Variants in MAPK14 observed in about 807,000 individuals in gnomAD.
MAPK14 encodes mitogen-activated protein kinase 14, also known as CSAID-binding protein.
A neutral mutation model predicts 49.6 loss-of-function variants in MAPK14; 16 were observed. The observed-to-expected ratio is 0.32, with a 90% confidence interval of 0.22 to 0.49. MAPK14 has a LOEUF of 0.49. Ranked by LOEUF, MAPK14 falls within the 20% of genes least tolerant of loss-of-function variation. The pLI is 0.99. For missense variants in MAPK14, 200 were observed against 441.2 expected, an observed-to-expected ratio of 0.45 and a Z score of 4.90; for synonymous variants, 142 against 158.0, an observed-to-expected ratio of 0.90 and a Z score of 0.76.
At chr6:36,101,490 T>C (rs560868029) in intron 9 of MAPK14, among the ~76,000 whole-genome samples, 114 of 105,380 alleles carry the variant, frequency 1.1e-3, no homozygotes, top group Middle Eastern at 9.0e-3. Flanking sequence ...AGCAACCAGA[T>C]TTTTTTTTTT....
At chr6:36,111,336 A>C (rs922446888), downstream of MAPK14, 1 of 152,198 alleles carries the variant, frequency 6.6e-6, no homozygotes, top group Non-Finnish European at 1.5e-5. Flanking sequence ...CAAAATGTCA[A>C]CCATTTACCA....
In MAPK14 at chr6:36,072,969, T is replaced by C. The variant is rs753049817; in HGVS notation, c.402T>C (p.Ile134=). ...DDHVQFLIYQ[I]LRGLKYIHSA... The stretch of plus-strand genomic sequence containing the variant: ...ATGTTCAGTTCCTTATCTACCAAAT[T>C]CTCCGAGGTCTAAAGGTACAGATAA... Residue 134 remains isoleucine, a synonymous_variant, in exon 4 of 12, where the codon ATT becomes ATC. Transcript: ENST00000229794. 1.9e-6 allele frequency: 3 copies of C among 1,598,558 alleles called. No individual in the cohort carries two copies. Among genetic ancestry groups the C allele is most frequent in the Non-Finnish European group, 2.6e-6 (3 of 1,166,506 alleles).
At position 36,108,534 on chromosome 6, in the gene MAPK14, C is replaced by T; in HGVS notation, c.*87C>T. ...CTCTCCAAATATTATTCAAGTGCCTCTTGTTGCAGAGATTTCCTCCATGGT... is the reference window on the plus strand; with the variant it reads ...CTCTCCAAATATTATTCAAGTGCCTTTTGTTGCAGAGATTTCCTCCATGGT... On this transcript the variant is annotated 3_prime_UTR_variant, in exon 12 of 12. Coordinates refer to ENST00000229794, the MANE Select transcript of MAPK14 (RefSeq NM_139012.3). 9.2e-7 allele frequency: 1 copy of T among 1,089,960 alleles called. No homozygotes were observed. Among genetic ancestry groups the T allele is most frequent in the Non-Finnish European group, 1.4e-6 (1 of 706,080 alleles). 67.5% of individuals were successfully genotyped at this position (1,089,960 alleles called of 1,614,324 possible). A position where few individuals can be genotyped will look rare whatever the true frequency, so the allele number is the denominator to read the frequency against.
downstream of MAPK14, among the ~76,000 whole-genome samples, chr6:36,113,915 A>G (rs1766017144): frequency 6.6e-6 from 1 of 152,164 alleles, no homozygotes; most frequent in Non-Finnish European, 1.5e-5. Context: ...GCAAAGCCGC[A>G]CCAGTACTTT....
intron 1 of MAPK14, among the ~76,000 whole-genome samples, chr6:36,040,545 A>G (rs1762925647): frequency 6.6e-6 from 1 of 152,198 alleles, no homozygotes; most frequent in Non-Finnish European, 1.5e-5. Flanking sequence ...TCAAGGTCCT[A>G]GCTATAACCC....
intron 8 of MAPK14, among the ~76,000 whole-genome samples, chr6:36,090,032 C>G (rs570504997): frequency 2.0e-5 from 3 of 152,180 alleles, no homozygotes; most frequent in African/African-American, 7.2e-5. Context: ...AAATGGTGCT[C>G]TTAAGACATA....
chr6:36,071,708 T>C (rs1272366109), intron 3 of MAPK14, among the ~76,000 whole-genome samples: 1 of 152,236 alleles, frequency 6.6e-6, no homozygotes, highest in East Asian at 1.9e-4. Flanking sequence ...AGACTTATAA[T>C]GAGGTGAAAA....
rs189472540 is a variant in MAPK14, at chr6:36,079,205, G to C, written c.682+2597G>C. 2.6e-5 allele frequency among the ~76,000 whole-genome samples: 4 copies of C among 152,314 alleles called. No homozygotes were observed. In the East Asian group the frequency reaches 5.8e-4, roughly 22 times the overall value. ...TAATAGATGGGGAAACCAAGACCCAGAGAATATAATCCAAAGCTACCTGTC... is the reference window on the plus strand; with the variant it reads ...TAATAGATGGGGAAACCAAGACCCACAGAATATAATCCAAAGCTACCTGTC... On this transcript the variant is annotated intron_variant, in intron 8 of 11. Coordinates refer to ENST00000229794, the MANE Select transcript of MAPK14 (RefSeq NM_139012.3).
intron 3 of MAPK14, among the ~76,000 whole-genome samples, chr6:36,065,507 G>GGGGTGTGTGTGT (rs1435565312): frequency 5.7e-5 from 7 of 122,544 alleles, no homozygotes; most frequent in Middle Eastern, 4.5e-3. Flanking sequence ...GGGCAGAAAA[G>GGGGTGTGTGTGT]GTGTGTGTGT....
intron 1 of MAPK14, among the ~76,000 whole-genome samples, chr6:36,034,267 A>T (rs896697641): frequency 3.3e-5 from 5 of 152,228 alleles, no homozygotes; most frequent in Admixed American, 3.3e-4. Flanking sequence ...TGCCCAGATT[A>T]AAATTTTTTC....
chr6:36,070,826 A>G (rs1054287448), intron 3 of MAPK14, among the ~76,000 whole-genome samples: 3 of 152,058 alleles, frequency 2.0e-5, no homozygotes, highest in African/African-American at 7.2e-5. Flanking sequence ...TAGGTATATA[A>G]AGAGAGGTCA....
At chr6:36,088,136 T>G (rs1289246844) in intron 8 of MAPK14, among the ~76,000 whole-genome samples, 2 of 152,070 alleles carry the variant, frequency 1.3e-5, no homozygotes, top group African/African-American at 2.4e-5. Context: ...TCAAGATGGA[T>G]TAAAGACTTA....
Position 36,106,133 on chromosome 6 carries a change from C to T in MAPK14, c.842-1322C>T, listed in dbSNP as rs547918576. 2.0e-4 allele frequency among the ~76,000 whole-genome samples: 31 copies of T among 152,212 alleles called. No homozygotes were observed. The South Asian group carries it at 5.2e-3, about 25-fold the overall frequency. ...AGCTCATTAGTAGTGGGACAGATGG[C>T]CTTAATGCACTGTCACGTGCACAGC... is the stretch of plus-strand genomic sequence containing the variant. On this transcript the variant is annotated intron_variant, in intron 10 of 11. Coordinates refer to ENST00000229794, the MANE Select transcript of MAPK14 (RefSeq NM_139012.3).
chr6:36,080,856 T>C (rs1339833136), intron 8 of MAPK14, among the ~76,000 whole-genome samples: 3 of 152,154 alleles, frequency 2.0e-5, no homozygotes, highest in African/African-American at 7.2e-5. Context: ...TTCTTTTTTT[T>C]TTTTTAATAG....
intron 10 of MAPK14, among the ~76,000 whole-genome samples, chr6:36,106,275 G>A (rs943299719): frequency 5.9e-5 from 9 of 152,146 alleles, no homozygotes; most frequent in African/African-American, 2.2e-4. Flanking sequence ...ACACATGACA[G>A]CAAAAGAAGC....
chr6:36,034,736 C>T (rs755542576), intron 1 of MAPK14, among the ~76,000 whole-genome samples: 9 of 151,854 alleles, frequency 5.9e-5, no homozygotes, highest in African/African-American at 1.2e-4. Flanking sequence ...AGGCACAACT[C>T]GTTTTATTAT....
intron 1 of MAPK14, among the ~76,000 whole-genome samples, chr6:36,052,369 T>C (rs1436990715): frequency 6.6e-6 from 1 of 152,228 alleles, no homozygotes; most frequent in African/African-American, 2.4e-5. Context: ...ACTTATTTTC[T>C]GGCTGCTTTC....
rs796688201 is a variant in MAPK14 at position 36,080,202 on chromosome 6, T to G, written c.682+3594T>G. ...ATCCGCCCACCTTAGCCTCCCAAATTGCTAGATTACAGGCGCGAGCCACTG... is the reference window on the plus strand; with the variant it reads ...ATCCGCCCACCTTAGCCTCCCAAATGGCTAGATTACAGGCGCGAGCCACTG... On this transcript the variant is annotated intron_variant, in intron 8 of 11. Coordinates refer to ENST00000229794, the MANE Select transcript of MAPK14 (RefSeq NM_139012.3). Among the ~76,000 whole-genome samples, 9 of 152,248 alleles carry G rather than the reference T, an allele frequency of 5.9e-5. 1 individual carries two copies. Among genetic ancestry groups the G allele is most frequent in the African/African-American group, 2.2e-4 (9 of 41,552 alleles).
rs1424604033 is a variant in MAPK14 at position 36,061,025 on chromosome 6, G to A, written c.305+1678G>A. On this transcript the variant is annotated intron_variant, in intron 3 of 11. Coordinates refer to ENST00000229794, the MANE Select transcript of MAPK14 (RefSeq NM_139012.3). ...AGAGATTACTGGATGTTACTCAGGG[G>A]CATGTATATTACAGTTTGTTGAGCC... Among the ~76,000 whole-genome samples, 6 of 152,316 alleles carry A rather than the reference G, an allele frequency of 3.9e-5. No homozygotes were observed. The South Asian group carries it at 8.3e-4, about 21-fold the overall frequency.
Sources: gnomAD v4.1 joint callset for allele counts (sites outside exome capture counted in the v4.1 genomes callset) on GRCh38, gnomAD v4.1.1 for gene constraint, MANE v1.5 for transcripts, NCBI Gene and HGNC (gene_info 2026-07-23, HGNC 2026-07-21) for gene names.